KCNAB2: variants seen among roughly 807,000 people sequenced by gnomAD.
The protein encoded by KCNAB2 is potassium voltage-gated channel subfamily A regulatory beta subunit 2, also known as voltage-gated potassium channel subunit beta-2.
Under a neutral mutation model 63.6 loss-of-function variants are expected in KCNAB2, and 29 were observed. That is an observed-to-expected ratio of 0.46 (90% CI 0.34 to 0.62). The LOEUF (loss-of-function observed/expected upper bound fraction) is 0.62, where lower values mean the gene tolerates loss of function less well. Ranked by LOEUF, KCNAB2 falls within the 20% of genes least tolerant of loss-of-function variation. The pLI, the probability that KCNAB2 is intolerant of heterozygous loss-of-function variation, is 0.01. For synonymous variants in KCNAB2, 222 were observed against 224.2 expected (o/e 0.99, Z 0.09); for missense variants, 359 against 563.9 (o/e 0.64, Z 3.68).
In KCNAB2 at chr1:6,085,183, G is replaced by T. The variant is rs373174603; in HGVS notation, c.381-21G>T. ...ATTTTTCTGTTTGGCTGTGATGAGA[G>T]CTCGGTGTCTTGTTTTGCAGGGCTG... is the stretch of plus-strand genomic sequence containing the variant. On this transcript the variant is annotated intron_variant, in intron 5 of 15. Coordinates refer to ENST00000378083, the MANE Select transcript of KCNAB2 (RefSeq NM_001199862.2). 17 of 1,613,402 alleles carry T rather than the reference G, an allele frequency of 1.1e-5. No individual in the cohort carries two copies. In the East Asian group the frequency reaches 3.1e-4, roughly 30 times the overall value.
intron 5 of KCNAB2, among the ~76,000 whole-genome samples, chr1:6,082,698 G>T (rs1664312726): frequency 6.6e-6 from 1 of 152,182 alleles, no homozygotes; most frequent in Non-Finnish European, 1.5e-5. Context: ...TCTTGGCGGT[G>T]AACTTTCCTG....
At position 6,099,741 on chromosome 1, in the gene KCNAB2, A is replaced by G; in HGVS notation, c.*1167A>G. 2 of 1,451,352 alleles carry G rather than the reference A, an allele frequency of 1.4e-6. No individual in the cohort carries two copies. Among genetic ancestry groups the G allele is most frequent in the Non-Finnish European group, 1.8e-6 (2 of 1,100,578 alleles). The allele number at this position is 1,451,352 out of a possible 1,614,324, so 89.9% of individuals were successfully genotyped here. Reference sequence around the variant, plus strand: ...CCCACAGCACCCCCACAATGTAGGAAAAGACCTCAGGGAACCTCTCCCTGG... The same window carrying G: ...CCCACAGCACCCCCACAATGTAGGAGAAGACCTCAGGGAACCTCTCCCTGG... On this transcript the variant is annotated 3_prime_UTR_variant, in exon 16 of 16. Coordinates refer to ENST00000378083, the MANE Select transcript of KCNAB2 (RefSeq NM_001199862.2).
At chr1:6,015,997 C>G (rs565943617) in intron 1 of KCNAB2, among the ~76,000 whole-genome samples, 1 of 152,312 alleles carries the variant, frequency 6.6e-6, no homozygotes, top group East Asian at 1.9e-4. Context: ...CCATCACACC[C>G]AGCCCCTAGA....
Position 6,086,383 on chromosome 1 carries a change from C to A in KCNAB2, c.426-1084C>A, listed in dbSNP as rs1410540064. On this transcript the variant is annotated intron_variant, in intron 6 of 15. Coordinates refer to ENST00000378083, the MANE Select transcript of KCNAB2 (RefSeq NM_001199862.2). This position sits in a 1 kb window ranked among gnomAD's most constrained non-coding sequence, Gnocchi z 4.2. ...CACGTATTAGCAAATCCCCTGATCA[C>A]GTCTTTGGCGAATGTGCATGGAGGT... 2.0e-6 allele frequency: 2 copies of A among 985,174 alleles called. No individual in the cohort carries two copies. The highest frequency in any genetic ancestry group is 3.5e-5 in the African/African-American group (2 of 57,232). 61.0% of individuals were successfully genotyped at this position (985,174 alleles called of 1,614,324 possible).
At chr1:6,060,101 A>G (rs906444340) in intron 2 of KCNAB2, among the ~76,000 whole-genome samples, 2 of 151,596 alleles carry the variant, frequency 1.3e-5, no homozygotes, top group African/African-American at 4.9e-5. Flanking sequence ...GAGTCACCCT[A>G]CTCCAGACAC....
intron 10 of KCNAB2, among the ~76,000 whole-genome samples, chr1:6,093,574 AG>A (rs1665369297): frequency 6.6e-6 from 1 of 152,250 alleles, no homozygotes; most frequent in Non-Finnish European, 1.5e-5. Context: ...TCAGGGCCTT[AG>A]GAGTCTCCGC....
At chr1:6,092,879 A>G (rs1665305561) in intron 10 of KCNAB2, among the ~76,000 whole-genome samples, 1 of 152,222 alleles carries the variant, frequency 6.6e-6, no homozygotes, top group African/African-American at 2.4e-5. Flanking sequence ...GTGGAAGCCA[A>G]GGGTGGTTTG....
intron 5 of KCNAB2, among the ~76,000 whole-genome samples, chr1:6,084,260 G>C (rs1294316558): frequency 6.6e-6 from 1 of 152,236 alleles, no homozygotes; most frequent in Non-Finnish European, 1.5e-5. Flanking sequence ...GGCTGGGACG[G>C]CCGCCCATGC....
Position 6,096,665 on chromosome 1 carries a change from C to G in KCNAB2, c.978C>G (p.Leu326=). Residue 326 remains leucine (L), a synonymous_variant, in exon 14 of 16, where the codon CTC becomes CTG. Coordinates refer to ENST00000378083, the MANE Select transcript of KCNAB2 (RefSeq NM_001199862.2). This position sits in a 1 kb window ranked among gnomAD's most constrained non-coding sequence, Gnocchi z 5.9. ...ACCAGTGGCTGAAGGACAAGATCCT[C>G]AGTGAGGAGGGCCGGCGCCAGCAAG... ...KGYQWLKDKI[L]SEEGRRQQAK... 1 of 1,610,182 alleles carries G rather than the reference C, an allele frequency of 6.2e-7. No homozygotes were observed. The highest frequency in any genetic ancestry group is 1.3e-5 in the African/African-American group (1 of 75,012).
At chr1:6,020,529 G>T (rs931821777) in intron 1 of KCNAB2, among the ~76,000 whole-genome samples, 2 of 152,110 alleles carry the variant, frequency 1.3e-5, no homozygotes, top group Non-Finnish European at 2.9e-5. Context: ...TTTTCCCGAA[G>T]CCCCACCCTC....
chr1:6,096,464 T>C lies in KCNAB2; in HGVS notation c.949-172T>C. On this transcript the variant is annotated intron_variant, in intron 13 of 15. Transcript: ENST00000378083. This position sits in a 1 kb window ranked among gnomAD's most constrained non-coding sequence, Gnocchi z 5.9. Reference sequence around the variant, plus strand: ...AGCCCGTGCCCGGCCCACTGCCCACTCTCCCCTACTTGAGAGGCCTGGGGC... The same window carrying C: ...AGCCCGTGCCCGGCCCACTGCCCACCCTCCCCTACTTGAGAGGCCTGGGGC... The C allele has an allele frequency of 1.1e-6, 1 of 870,018 alleles. No individual in the cohort carries two copies. Among genetic ancestry groups the C allele is most frequent in the East Asian group, 2.7e-5 (1 of 36,622 alleles). 53.9% of individuals were successfully genotyped at this position (870,018 alleles called of 1,614,324 possible).
At chr1:6,013,850 A>T (rs1658334019) in intron 1 of KCNAB2, among the ~76,000 whole-genome samples, 1 of 151,952 alleles carries the variant, frequency 6.6e-6, no homozygotes, top group Non-Finnish European at 1.5e-5. Context: ...TGATCTTGAG[A>T]AGCACCACTC....
chr1:6,076,914 G>C (rs956285165), intron 4 of KCNAB2, among the ~76,000 whole-genome samples: 1 of 152,200 alleles, frequency 6.6e-6, no homozygotes, highest in South Asian at 2.1e-4. Context: ...GTCTAGGGGC[G>C]GTGGCTCATG....
chr1:6,041,858 G>A (rs372509043), upstream of KCNAB2: 4 of 1,613,804 alleles, frequency 2.5e-6, no homozygotes, highest in Non-Finnish European at 3.4e-6. Flanking sequence ...CCAAAAGACA[G>A]CTCCAGTTTT....
intron 2 of KCNAB2, among the ~76,000 whole-genome samples, chr1:6,065,690 C>A (rs1194138361): frequency 6.6e-6 from 1 of 152,198 alleles, no homozygotes; most frequent in Non-Finnish European, 1.5e-5. Flanking sequence ...CCCAGCCCTG[C>A]CCAACACTTT....
intron 2 of KCNAB2, among the ~76,000 whole-genome samples, chr1:6,070,516 T>C (rs566612372): frequency 6.6e-6 from 1 of 152,112 alleles, no homozygotes; most frequent in Non-Finnish European, 1.5e-5. Context: ...CTATCAAGAG[T>C]ATTTCACTGA....
intron 2 of KCNAB2, among the ~76,000 whole-genome samples, chr1:6,058,293 T>A (rs935658601): frequency 1.3e-5 from 2 of 152,244 alleles, no homozygotes; most frequent in Non-Finnish European, 2.9e-5. Context: ...AATTAGGATC[T>A]CAACTGTCTT....
intron 4 of KCNAB2, 123 bp from the exon 5 acceptor site, chr1:6,082,072 C>A (rs375322108): frequency 6.7e-6 from 5 of 747,564 alleles, no homozygotes; most frequent in African/African-American, 1.7e-5. Context: ...CACAGGGGAG[C>A]CTGTCGGGCC....
intron 1 of KCNAB2, among the ~76,000 whole-genome samples, chr1:6,019,737 G>C (rs1172113454): frequency 1.3e-5 from 2 of 152,146 alleles, no homozygotes; most frequent in African/African-American, 4.8e-5. Flanking sequence ...GCACAGTGTC[G>C]GCCAAAATTA....
Sources: gnomAD v4.1 joint callset for allele counts (sites outside exome capture counted in the v4.1 genomes callset) on GRCh38, gnomAD v4.1.1 for gene constraint, Gnocchi (gnomAD v3.1) non-coding constraint, MANE v1.5 for transcripts, NCBI Gene and HGNC (gene_info 2026-07-23, HGNC 2026-07-21) for gene names.